Variants in NDST4 observed in about 807,000 individuals in gnomAD.
NDST4 encodes the protein N-deacetylase and N-sulfotransferase 4, also known as N-heparan sulfate sulfotransferase 4.
Under a neutral mutation model 100.8 loss-of-function variants are expected in NDST4, and 63 were observed. The ratio of observed to expected loss-of-function variants is 0.62; its 90% CI spans 0.51 to 0.77. The LOEUF is 0.77. NDST4 is among the 30% of genes least tolerant of loss of function. The pLI is 0.00. For synonymous variants in NDST4, 377 were observed against 361.8 expected, an observed-to-expected ratio of 1.04 and a Z score of -0.48; for missense variants, 943 against 1,018.4, an observed-to-expected ratio of 0.93 and a Z score of 1.01.
At position 114,897,446 on chromosome 4, in the gene NDST4, T is replaced by C. The variant is rs141663418; in HGVS notation, c.1537-26496A>G. ...GGCACTTAATAATATTTTACTGTCTTTATTTACCACAGTATATTTCACTAT... is the reference window on the plus strand; with the variant it reads ...GGCACTTAATAATATTTTACTGTCTCTATTTACCACAGTATATTTCACTAT... On this transcript the variant is annotated intron_variant, in intron 6 of 13. Transcript: ENST00000264363. Among the ~76,000 whole-genome samples, 1,528 of 152,338 alleles carry C rather than the reference T, an allele frequency of 0.01. 82 individuals are homozygous for C. The South Asian group carries it at 0.17, about 17-fold the overall frequency.
chr4:114,843,672 T>C (rs1723480403), intron 10 of NDST4, among the ~76,000 whole-genome samples: 1 of 152,174 alleles, frequency 6.6e-6, no homozygotes. Context: ...TTGGAATTGT[T>C]GTCACGCCTC....
intron 10 of NDST4, among the ~76,000 whole-genome samples, chr4:114,844,114 G>T (rs537866208): frequency 6.6e-6 from 1 of 152,136 alleles, no homozygotes; most frequent in Non-Finnish European, 1.5e-5. Context: ...TGATTTTAAT[G>T]TCTAAATATC....
chr4:114,861,868 A>T (rs965990029), intron 7 of NDST4, among the ~76,000 whole-genome samples: 2 of 152,114 alleles, frequency 1.3e-5, no homozygotes, highest in Non-Finnish European at 2.9e-5. Flanking sequence ...TTCCCTGATG[A>T]TGATAGTCAA....
intron 2 of NDST4, among the ~76,000 whole-genome samples, chr4:115,015,270 C>T (rs569992989): frequency 2.0e-5 from 3 of 152,196 alleles, no homozygotes; most frequent in African/African-American, 4.8e-5. Flanking sequence ...AGAAAGAAGA[C>T]TCATGCCAGG....
Position 115,076,591 on chromosome 4 carries a change from A to G in NDST4, c.446T>C (p.Leu149Pro). 6.2e-7 allele frequency: 1 copy of G among 1,613,966 alleles called. No homozygotes were observed. The highest frequency in any genetic ancestry group is 8.5e-7 in the Non-Finnish European group (1 of 1,179,928). ...YVSMDSWNRE[L>P]LEKYCVEYSV... is the part of the protein sequence containing the mutation. ...GTATTCCACACAGTATTTTTCTAAA[A>G]GCTCTCGATTCCATGAGTCCATGCT... The change falls in exon 2 of 14, where the codon CTT (leucine) becomes CCT (proline). Residue 149 changes from leucine (L) to proline (P), a missense_variant. By Grantham distance (98) the Leu-to-Pro change is moderately conservative. This residue lies in a region of NDST4 where 417 missense variants were observed against 384.2 expected (regional missense o/e 1.09). Transcript: ENST00000264363.
At chr4:114,957,056 A>T (rs922977350) in intron 4 of NDST4, among the ~76,000 whole-genome samples, 19 of 152,226 alleles carry the variant, frequency 1.2e-4, no homozygotes, top group African/African-American at 4.6e-4. Context: ...CAAAGGTATG[A>T]TGACAATATC....
At position 115,077,149 on chromosome 4, in the gene NDST4, G is replaced by T. The variant is rs186664003; in HGVS notation, c.-113C>A. On this transcript the variant is annotated 5_prime_UTR_variant, in exon 2 of 14. It introduces an in-frame stop codon into an upstream open reading frame of the 5' UTR. Coordinates refer to ENST00000264363, the MANE Select transcript of NDST4 (RefSeq NM_022569.3). The stretch of plus-strand genomic sequence containing the variant: ...CTTCCCCAGAGTTCATGTAACCATC[G>T]CAAATCATGTAAAATGTTTGAAGGG... The T allele has an allele frequency of 7.0e-6, 7 of 997,440 alleles. No individual in the cohort carries two copies. The South Asian group carries it at 1.0e-4, about 15-fold the overall frequency. 61.8% of individuals were successfully genotyped at this position (997,440 alleles called of 1,614,324 possible).
intron 7 of NDST4, among the ~76,000 whole-genome samples, chr4:114,854,825 T>G (rs542309199): frequency 6.6e-6 from 1 of 152,314 alleles, no homozygotes; most frequent in South Asian, 2.1e-4. Context: ...CACATGGTAG[T>G]TCTATTTTTC....
At position 115,023,409 on chromosome 4, in the gene NDST4, C is replaced by T. The variant is rs183724539; in HGVS notation, c.979-46135G>A. ...CTGAGGCAGGAGAATCACTTGAACC[C>T]GGGAAGCAGAGGTTGCAGTGAGCCG... On this transcript the variant is annotated intron_variant, in intron 2 of 13. Coordinates refer to ENST00000264363, the MANE Select transcript of NDST4 (RefSeq NM_022569.3). Among the ~76,000 whole-genome samples, 484 of 149,822 alleles carry T rather than the reference C, an allele frequency of 3.2e-3. 1 individual carries two copies. The highest frequency in any genetic ancestry group is 0.011 in the African/African-American group (459 of 40,786).
In NDST4 at chr4:114,940,118, G is replaced by A. The variant is rs140686683; in HGVS notation, c.1222-2615C>T. On this transcript the variant is annotated intron_variant, in intron 4 of 13. Coordinates refer to ENST00000264363, the MANE Select transcript of NDST4 (RefSeq NM_022569.3). Reference sequence around the variant, plus strand: ...CTTGAGACTCTATAAATATAGACACGTAAATGACAGAAAACAAATAAATTC... The same window carrying A: ...CTTGAGACTCTATAAATATAGACACATAAATGACAGAAAACAAATAAATTC... Among the ~76,000 whole-genome samples, 137 of 152,176 alleles carry A rather than the reference G, an allele frequency of 9.0e-4. 2 individuals are homozygous for A. Among genetic ancestry groups the A allele is most frequent in the Non-Finnish European group, 1.8e-4 (12 of 67,996 alleles).
At chr4:115,000,648 G>A (rs893557191) in intron 2 of NDST4, among the ~76,000 whole-genome samples, 5 of 151,934 alleles carry the variant, frequency 3.3e-5, no homozygotes, top group Non-Finnish European at 5.9e-5. Flanking sequence ...TAATTACTAC[G>A]CAAAATTTCT....
At chr4:115,038,162 A>G (rs988957734) in intron 2 of NDST4, among the ~76,000 whole-genome samples, 1 of 152,174 alleles carries the variant, frequency 6.6e-6, no homozygotes, top group Non-Finnish European at 1.5e-5. Flanking sequence ...TTATCTTTTT[A>G]CGAGGAAGTA....
At chr4:115,071,100 C>T (rs1324054855) in intron 2 of NDST4, among the ~76,000 whole-genome samples, 4 of 151,360 alleles carry the variant, frequency 2.6e-5, no homozygotes, top group Admixed American at 2.6e-4. Context: ...TAGAGCAAGA[C>T]TCCATTTCAA....
At chr4:114,878,967 G>GA (rs1295860880) in intron 6 of NDST4, among the ~76,000 whole-genome samples, 8 of 151,966 alleles carry the variant, frequency 5.3e-5, no homozygotes, top group Admixed American at 4.6e-4. Context: ...ATACCAGAGT[G>GA]AAAATGACTA....
intron 1 of NDST4, among the ~76,000 whole-genome samples, chr4:115,082,196 C>A (rs887892701): frequency 6.6e-6 from 1 of 152,138 alleles, no homozygotes; most frequent in South Asian, 2.1e-4. Context: ...GAATAAATAT[C>A]TCCTAGAATC....
chr4:115,069,615 C>T (rs1729029381), intron 2 of NDST4, among the ~76,000 whole-genome samples: 1 of 152,178 alleles, frequency 6.6e-6, no homozygotes, highest in Admixed American at 6.5e-5. Context: ...TCATCTCACA[C>T]TAGTCAGGAT....
intron 1 of NDST4, among the ~76,000 whole-genome samples, chr4:115,101,144 T>C (rs948469708): frequency 1.3e-5 from 2 of 152,046 alleles, no homozygotes; most frequent in African/African-American, 4.8e-5. Context: ...ACAAACACTA[T>C]CTCTACTCTT....
At chr4:114,839,691 A>C in intron 10 of NDST4, 143 bp from the exon 11 acceptor site, 1 of 606,212 alleles carries the variant, frequency 1.6e-6, no homozygotes, top group South Asian at 2.8e-5. Context: ...AAATAATAAC[A>C]AATCAAATAC....
intron 13 of NDST4, among the ~76,000 whole-genome samples, chr4:114,828,748 A>G (rs1723133354): frequency 1.3e-5 from 2 of 152,250 alleles, no homozygotes; most frequent in South Asian, 4.1e-4. Context: ...GGCATAGGTA[A>G]CAATGCCTCC....
Sources: gnomAD v4.1 joint callset for allele counts (sites outside exome capture counted in the v4.1 genomes callset) on GRCh38, gnomAD v4.1.1 for gene constraint, gnomAD v4.1.1 regional missense constraint, MANE v1.5 for transcripts, NCBI Gene and HGNC (gene_info 2026-07-23, HGNC 2026-07-21) for gene names.